Variants in CFAP54 observed in about 807,000 individuals in gnomAD.
CFAP54 encodes the protein cilia- and flagella-associated protein 54.
Under a neutral mutation model 370.4 loss-of-function variants are expected in CFAP54, and 290 were observed. The observed-to-expected ratio is 0.78, with a 90% CI of 0.71 to 0.86. The LOEUF (loss-of-function observed/expected upper bound fraction) is 0.86. Among genes scored for constraint, CFAP54 ranks in the 40% least tolerant of loss-of-function variants. CFAP54 has a pLI of 0.00. For synonymous variants in CFAP54, 1,206 were observed against 1,236.5 expected (o/e 0.98, Z 0.52); for missense variants, 3,399 against 3,528.7 (o/e 0.96, Z 0.93).
chr12:96,866,220 G>C (rs1960002794), intron 67 of CFAP54, among the ~76,000 whole-genome samples: 1 of 151,864 alleles, frequency 6.6e-6, no homozygotes, highest in African/African-American at 2.4e-5. Context: ...TTGCAACTTT[G>C]ACTCTAAAAT....
intron 50 of CFAP54, among the ~76,000 whole-genome samples, chr12:96,729,264 C>G (rs1032153970): frequency 6.6e-6 from 1 of 152,154 alleles, no homozygotes; most frequent in Non-Finnish European, 1.5e-5. Flanking sequence ...TTTTGTTTGT[C>G]TGTGCCCTGC....
rs147604459 is a variant in CFAP54, at chr12:96,821,545, C to T, written c.9096+3632C>T. 5.8e-4 allele frequency among the ~76,000 whole-genome samples: 88 copies of T among 152,040 alleles called. No homozygotes were observed. In the East Asian group the frequency reaches 0.014, roughly 25 times the overall value. ...GGGCATTTTAGATATTTTCTGGCTC[C>T]GTTAGTTCTATATATGGAAGAATAT... On this transcript the variant is annotated intron_variant, in intron 65 of 67. Coordinates refer to ENST00000524981, the MANE Select transcript of CFAP54 (RefSeq NM_001306084.2).
chr12:96,595,256 C>A (rs1286929191), intron 25 of CFAP54, among the ~76,000 whole-genome samples: 1 of 151,978 alleles, frequency 6.6e-6, no homozygotes, highest in African/African-American at 2.4e-5. Context: ...CTGTGAGGAG[C>A]CTTATCTAGG....
At chr12:96,554,388 A>T (rs894630922) in intron 16 of CFAP54, 78 bp downstream of exon 16, 12 of 1,417,072 alleles carry the variant, frequency 8.5e-6, no homozygotes, top group African/African-American at 1.5e-5. Context: ...GTAGGTAAGT[A>T]AAGCATGACT....
At chr12:96,677,054 G>A (rs941874976) in intron 39 of CFAP54, among the ~76,000 whole-genome samples, 1 of 141,620 alleles carries the variant, frequency 7.1e-6, no homozygotes, top group African/African-American at 2.7e-5. Flanking sequence ...CCAGGCTGGA[G>A]TGCAATAGCA....
chr12:96,683,739 G>T lies in CFAP54; in HGVS notation c.5717-909G>T, dbSNP rs570013583. ...CACTGCCATGTTGGTTGGGGTTTTT[G>T]GCTACACATCCCAGAATGCATGCAT... On this transcript the variant is annotated intron_variant, in intron 40 of 67. Transcript: ENST00000524981. Among the ~76,000 whole-genome samples the T allele has an allele frequency of 1.4e-3, 215 of 152,082 alleles. 1 individual carries two copies. The highest frequency in any genetic ancestry group is 4.9e-3 in the African/African-American group (202 of 41,482).
intron 65 of CFAP54, among the ~76,000 whole-genome samples, chr12:96,828,479 A>G (rs1959153007): frequency 6.6e-6 from 1 of 152,140 alleles, no homozygotes; most frequent in Non-Finnish European, 1.5e-5. Context: ...TCATGCAGTC[A>G]ATACTGATTG....
intron 48 of CFAP54, among the ~76,000 whole-genome samples, chr12:96,710,575 G>A (rs1345839388): frequency 6.6e-6 from 1 of 152,084 alleles, no homozygotes; most frequent in Non-Finnish European, 1.5e-5. Flanking sequence ...CATGAAAGGT[G>A]TACTCACAGG....
chr12:96,645,043 A>C, intron 33 of CFAP54: 1 of 398,454 alleles, frequency 2.5e-6, no homozygotes. Flanking sequence ...TTTAATATGA[A>C]TTATAGAATA....
intron 66 of CFAP54, among the ~76,000 whole-genome samples, chr12:96,836,534 A>G (rs1421350838): frequency 6.6e-6 from 1 of 152,208 alleles, no homozygotes; most frequent in Non-Finnish European, 1.5e-5. Context: ...GACAGCACCA[A>G]AGAGGCTGAG....
intron 51 of CFAP54, among the ~76,000 whole-genome samples, chr12:96,741,629 G>A (rs1030456748): frequency 2.6e-5 from 4 of 152,120 alleles, no homozygotes; most frequent in African/African-American, 9.7e-5. Context: ...GAAATACTTA[G>A]AACAAATGAC....
At chr12:96,778,828 C>T (rs1958551770) in intron 60 of CFAP54, among the ~76,000 whole-genome samples, 1 of 152,028 alleles carries the variant, frequency 6.6e-6, no homozygotes, top group African/African-American at 2.4e-5. Context: ...CAAATCATGG[C>T]CGGGCGTGAT....
Position 96,551,485 on chromosome 12 carries a change from A to ATGTGTGTGTGTG in CFAP54, c.2155-2669_2155-2658dup, listed in dbSNP as rs10582056. Reference sequence around the variant, plus strand: ...CTGAGCCTGCGATTCTTGAATGGGTATGTGTGTGTGTGTGTGTGTGTGTGT... The same window carrying ATGTGTGTGTGTG: ...CTGAGCCTGCGATTCTTGAATGGGTATGTGTGTGTGTGTGTGTGTGTGTGTGTGTGTGTGTGT... On this transcript the variant is annotated intron_variant, in intron 15 of 67. Transcript: ENST00000524981. 1.2e-3 allele frequency among the ~76,000 whole-genome samples: 174 copies of ATGTGTGTGTGTG among 143,868 alleles called. 2 individuals are homozygous for ATGTGTGTGTGTG. Among genetic ancestry groups the ATGTGTGTGTGTG allele is most frequent in the African/African-American group, 4.2e-3 (160 of 38,542 alleles). 94.4% of individuals were successfully genotyped at this position (143,868 alleles called of 152,430 possible). A position where few individuals can be genotyped will look rare whatever the true frequency, so the allele number is the denominator to read the frequency against.
intron 22 of CFAP54, 34 bp from the exon 23 acceptor site, chr12:96,589,393 A>T: frequency 6.8e-7 from 1 of 1,465,910 alleles, no homozygotes; most frequent in East Asian, 2.5e-5. Flanking sequence ...TTCACGAATA[A>T]AACTATTACA....
intron 55 of CFAP54, among the ~76,000 whole-genome samples, chr12:96,749,986 C>T (rs2136651971): frequency 6.6e-6 from 1 of 152,262 alleles, no homozygotes; most frequent in Middle Eastern, 3.4e-3. Flanking sequence ...AAGTTCAATT[C>T]CCTGTGAAGC....
chr12:96,613,753 A>C (rs750401616), intron 26 of CFAP54, among the ~76,000 whole-genome samples: 50 of 152,236 alleles, frequency 3.3e-4, no homozygotes, highest in Admixed American at 1.4e-3. Context: ...ATATGCAAAT[A>C]AACTAGAAAA....
intron 39 of CFAP54, among the ~76,000 whole-genome samples, chr12:96,676,657 T>G (rs980122604): frequency 2.6e-5 from 4 of 152,108 alleles, no homozygotes; most frequent in Admixed American, 6.5e-5. Context: ...GCGATTCTCC[T>G]GCCTCAGCCT....
intron 26 of CFAP54, among the ~76,000 whole-genome samples, chr12:96,612,234 C>G (rs1040547682): frequency 4.6e-5 from 7 of 152,202 alleles, no homozygotes; most frequent in Non-Finnish European, 4.4e-5. Flanking sequence ...GGCCAATATT[C>G]AACATTCTTA....
In CFAP54 at chr12:96,784,698, A is replaced by G. The variant is rs1370463480; in HGVS notation, c.8282-19A>G. 5.4e-5 allele frequency: 80 copies of G among 1,481,792 alleles called. No individual in the cohort carries two copies. The highest frequency in any genetic ancestry group is 7.1e-5 in the Non-Finnish European group (80 of 1,121,400). The allele number at this position is 1,481,792 out of a possible 1,614,324, so 91.8% of individuals were successfully genotyped here. A position where few individuals can be genotyped will look rare whatever the true frequency, so the allele number is the denominator to read the frequency against. ...CATAATATAATATTGTATTACAAAA[A>G]AAAGTTTTTCACTTTCAGACAACTA... On this transcript the variant is annotated intron_variant, in intron 60 of 67. Coordinates refer to ENST00000524981, the MANE Select transcript of CFAP54 (RefSeq NM_001306084.2).
Sources: allele counts gnomAD v4.1 joint callset (sites outside exome capture counted in the v4.1 genomes callset), GRCh38; gene constraint gnomAD v4.1.1; transcripts MANE v1.5; gene names NCBI Gene and HGNC (gene_info 2026-07-23, HGNC 2026-07-21).